SECISBP2L: variants seen among roughly 807,000 people sequenced by gnomAD.
SECISBP2L encodes selenocysteine insertion sequence-binding protein 2-like.
A neutral mutation model predicts 114.7 loss-of-function variants in SECISBP2L; 43 were observed. The ratio of observed to expected loss-of-function variants is 0.38; its 90% CI spans 0.29 to 0.48. The LOEUF (loss-of-function observed/expected upper bound fraction) is 0.48, where lower values mean the gene tolerates loss of function less well. SECISBP2L is among the 20% of genes least tolerant of loss of function. The pLI is 0.98. For missense variants in SECISBP2L, 1,136 were observed against 1,301.1 expected, an observed-to-expected ratio of 0.87 and a Z score of 1.95; for synonymous variants, 451 against 439.7, an observed-to-expected ratio of 1.03 and a Z score of -0.32.
At position 49,016,621 on chromosome 15, in the gene SECISBP2L, T is replaced by C; in HGVS notation, c.1500A>G (p.Glu500=). 6.2e-7 allele frequency: 1 copy of C among 1,610,604 alleles called. No individual in the cohort carries two copies. Among genetic ancestry groups the C allele is most frequent in the Non-Finnish European group, 8.5e-7 (1 of 1,177,986 alleles). Reference sequence around the variant, plus strand: ...GTGCTTTCATTGCTTGCTGTTGTTTTTCCAGAGCAGCTAACATGTCCCCTA... The same window carrying C: ...GTGCTTTCATTGCTTGCTGTTGTTTCTCCAGAGCAGCTAACATGTCCCCTA... ...LDLGDMLAAL[E]KQQQAMKARQ... The change falls in exon 11 of 18, where the codon GAA becomes GAG. Residue 500 remains glutamate, a synonymous_variant. Transcript: ENST00000559471.
chr15:49,016,914 A>G lies in SECISBP2L; in HGVS notation c.1353T>C (p.Ala451=). The G allele has an allele frequency of 6.2e-7, 1 of 1,614,050 alleles. No individual in the cohort carries two copies. The highest frequency in any genetic ancestry group is 8.5e-7 in the Non-Finnish European group (1 of 1,179,952). Residue 451 remains alanine, a synonymous_variant, in exon 10 of 18, where the codon GCT becomes GCC. Coordinates refer to ENST00000559471, the MANE Select transcript of SECISBP2L (RefSeq NM_001193489.2). ...GAGCTGTGGCAAGGGCTGCTGCTAAAGCTTTCTTCTTCTGACTTTTTGCAC... is the reference window on the plus strand; with the variant it reads ...GAGCTGTGGCAAGGGCTGCTGCTAAGGCTTTCTTCTTCTGACTTTTTGCAC... The part of the protein sequence containing the change: ...PKRAKSQKKK[A]LAAALATAQE...
chr15:49,002,094 T>G (rs1285369928), intron 14 of SECISBP2L, among the ~76,000 whole-genome samples: 1 of 152,218 alleles, frequency 6.6e-6, no homozygotes. Flanking sequence ...AAAGCATTCC[T>G]ATTTCTCCGC....
At chr15:49,040,596 C>T (rs1309023822) in intron 1 of SECISBP2L, among the ~76,000 whole-genome samples, 2 of 118,138 alleles carry the variant, frequency 1.7e-5, no homozygotes, top group Non-Finnish European at 3.2e-5. Context: ...AGTGCAGTGG[C>T]GCAATCTCGG....
Position 49,019,490 on chromosome 15 carries a change from T to C in SECISBP2L, c.1098A>G (p.Arg366=). 1.3e-6 allele frequency: 2 copies of C among 1,512,552 alleles called. No individual in the cohort carries two copies. The highest frequency in any genetic ancestry group is 2.5e-5 in the South Asian group (2 of 80,214). The allele number at this position is 1,512,552 out of a possible 1,614,324, so 93.7% of individuals were successfully genotyped here. A position where few individuals can be genotyped will look rare whatever the true frequency, so the allele number is the denominator to read the frequency against. The change falls in exon 8 of 18, where the codon AGA becomes AGG. Residue 366 remains arginine, a synonymous_variant. Transcript: ENST00000559471. ...SSERRQNLQK[R]PDNKHLSSSQ... Reference sequence around the variant, plus strand: ...TAGAGCTTAAATGCTTATTATCTGGTCTCTTTTGCAAATTCTGTCTTCTTT... The same window carrying C: ...TAGAGCTTAAATGCTTATTATCTGGCCTCTTTTGCAAATTCTGTCTTCTTT...
chr15:49,032,935 G>A (rs1363050428), intron 4 of SECISBP2L, 30 bp downstream of exon 4: 1 of 1,604,808 alleles, frequency 6.2e-7, no homozygotes, highest in South Asian at 1.1e-5. Flanking sequence ...ATAAAAATCA[G>A]TGACGCACAT....
chr15:48,996,081 T>G, intron 17 of SECISBP2L: 1 of 315,106 alleles, frequency 3.2e-6, no homozygotes, highest in Non-Finnish European at 5.9e-6. Flanking sequence ...AACTTCCTAA[T>G]GTTTAGTTAG....
intron 14 of SECISBP2L, among the ~76,000 whole-genome samples, chr15:49,005,867 G>A (rs1433506499): frequency 6.6e-6 from 1 of 151,926 alleles, no homozygotes; most frequent in Non-Finnish European, 1.5e-5. Flanking sequence ...TTACAATTTG[G>A]TATGTTTTTG....
At chr15:48,999,288 A>G (rs536530044) in intron 16 of SECISBP2L, among the ~76,000 whole-genome samples, 8 of 151,812 alleles carry the variant, frequency 5.3e-5, no homozygotes, top group Non-Finnish European at 7.4e-5. Context: ...ACAGTTGATG[A>G]GCATTACTCT....
chr15:49,009,740 A>G (rs1902399473), intron 13 of SECISBP2L, among the ~76,000 whole-genome samples: 1 of 152,054 alleles, frequency 6.6e-6, no homozygotes, highest in Non-Finnish European at 1.5e-5. Context: ...CTCTCTCTCA[A>G]AAGTTAAGCA....
At chr15:49,038,297 T>G (rs2141086719) in intron 1 of SECISBP2L, among the ~76,000 whole-genome samples, 1 of 152,234 alleles carries the variant, frequency 6.6e-6, no homozygotes, top group East Asian at 1.9e-4. Context: ...TCTGCACAGT[T>G]AAACTGGGGA....
intron 13 of SECISBP2L, among the ~76,000 whole-genome samples, chr15:49,009,643 G>C (rs935580231): frequency 6.6e-6 from 1 of 152,014 alleles, no homozygotes; most frequent in Non-Finnish European, 1.5e-5. Flanking sequence ...GGAGGGTGAG[G>C]CGAGAAAATC....
At position 48,992,668 on chromosome 15, in the gene SECISBP2L, G is replaced by C; in HGVS notation, c.2882C>G (p.Thr961Ser). The change falls in exon 18 of 18, where the codon ACT (threonine) becomes AGT (serine). Residue 961 changes from threonine (T) to serine (S), a missense_variant. Coordinates refer to ENST00000559471, the MANE Select transcript of SECISBP2L (RefSeq NM_001193489.2). ...LEWASQQSTETGSLDGSCRDL... is the reference protein window; with the variant it reads ...LEWASQQSTESGSLDGSCRDL... ...TCGGCAACTGCCATCCAAAGAGCCA[G>C]TCTCTGTACTCTGCTGTGAGGCCCA... 6.2e-7 allele frequency: 1 copy of C among 1,614,218 alleles called. No homozygotes were observed. Among genetic ancestry groups the C allele is most frequent in the South Asian group, 1.1e-5 (1 of 91,086 alleles).
Position 48,992,175 on chromosome 15 carries a change from A to G in SECISBP2L, c.*69T>C. On this transcript the variant is annotated 3_prime_UTR_variant, in exon 18 of 18. Transcript: ENST00000559471. ...AAATACTGGACAGTGCAAAATGTTG[A>G]GATGAAGCATAAAAGGTAATGGCTG... 1 of 1,422,646 alleles carries G rather than the reference A, an allele frequency of 7.0e-7. No individual in the cohort carries two copies. The highest frequency in any genetic ancestry group is 9.6e-7 in the Non-Finnish European group (1 of 1,045,814). 88.1% of individuals were successfully genotyped at this position (1,422,646 alleles called of 1,614,324 possible).
rs2141074981 is a variant in SECISBP2L at position 49,021,465 on chromosome 15, T to C, written c.1036-1913A>G. On this transcript the variant is annotated intron_variant, in intron 7 of 17. Coordinates refer to ENST00000559471, the MANE Select transcript of SECISBP2L (RefSeq NM_001193489.2). Reference sequence around the variant, plus strand: ...AAATGCAGCTAACAGTAAATGCCTCTCTTAACCAGGACACTTAAAATATAT... The same window carrying C: ...AAATGCAGCTAACAGTAAATGCCTCCCTTAACCAGGACACTTAAAATATAT... Among the ~76,000 whole-genome samples the C allele has an allele frequency of 1.3e-5, 2 of 152,324 alleles. 1 individual carries two copies. Among genetic ancestry groups the C allele is most frequent in the South Asian group, 4.1e-4 (2 of 4,832 alleles).
intron 1 of SECISBP2L, 119 bp from the exon 2 acceptor site, chr15:49,037,888 T>A: frequency 3.1e-6 from 2 of 636,844 alleles, no homozygotes; most frequent in Non-Finnish European, 4.8e-6. Flanking sequence ...TTCTCAGCAT[T>A]CATAAAACAT....
At chr15:49,028,412 A>G (rs769059628) in intron 5 of SECISBP2L, 41 bp downstream of exon 5, 4 of 1,569,140 alleles carry the variant, frequency 2.5e-6, no homozygotes, top group African/African-American at 1.3e-5. Context: ...AATAATACTG[A>G]TATCAATGAC....
intron 6 of SECISBP2L, among the ~76,000 whole-genome samples, chr15:49,027,737 T>C (rs541345044): frequency 1.6e-4 from 25 of 152,060 alleles, no homozygotes; most frequent in Non-Finnish European, 3.1e-4. Context: ...GCCTCCCAAG[T>C]AGCTGGGATT....
intron 17 of SECISBP2L, among the ~76,000 whole-genome samples, chr15:48,994,111 GAA>G (rs66924521): frequency 7.1e-6 from 1 of 141,574 alleles, no homozygotes. Flanking sequence ...TCTACCTTAT[GAA>G]AAAAAAAAAA....
At chr15:49,009,758 G>A (rs1902399726) in intron 13 of SECISBP2L, among the ~76,000 whole-genome samples, 1 of 151,826 alleles carries the variant, frequency 6.6e-6, no homozygotes. Flanking sequence ...GCATAGCCCA[G>A]AAGTCTCCAC....
Sources: allele counts gnomAD v4.1 joint callset (sites outside exome capture counted in the v4.1 genomes callset), GRCh38; gene constraint gnomAD v4.1.1; transcripts MANE v1.5; gene names NCBI Gene and HGNC (gene_info 2026-07-23, HGNC 2026-07-21).